ATP6V0A4: variants seen among roughly 807,000 people sequenced by gnomAD.
ATP6V0A4 encodes the protein ATPase H+ transporting V0 subunit a4, also known as V-type proton ATPase 116 kDa subunit a 4.
ATP6V0A4 carries 86 observed loss-of-function variants against 107.3 expected under a neutral mutation model. That is an observed-to-expected ratio of 0.80 (90% confidence interval 0.67 to 0.96). ATP6V0A4 has a LOEUF of 0.96. Among genes scored for constraint, ATP6V0A4 ranks in the 40% least tolerant of loss-of-function variants. The probability of loss-of-function intolerance (pLI) is 0.00; values close to 1 mark genes in which losing one functional copy is unlikely to be tolerated. For missense variants in ATP6V0A4, 908 were observed against 1,045.6 expected (o/e 0.87, Z 1.81); for synonymous variants, 353 against 381.4 (o/e 0.93, Z 0.87).
Position 138,723,619 on chromosome 7 carries a change from A to C in ATP6V0A4, c.2011-1594T>G, listed in dbSNP as rs1007240221. ...CGGTTCACTGCAACCTCTGTCCCCC[A>C]GTTCAAGAGATTCTCCAGCCTCAGC... On this transcript the variant is annotated intron_variant, in intron 18 of 21. Transcript: ENST00000310018. 2.1e-5 allele frequency among the ~76,000 whole-genome samples: 3 copies of C among 141,560 alleles called. No homozygotes were observed. In the Admixed American group the frequency reaches 2.2e-4, roughly 10 times the overall value. The allele number at this position is 141,560 out of a possible 152,430, so 92.9% of individuals were successfully genotyped here.
At chr7:138,718,412 G>A (rs557079640) in intron 19 of ATP6V0A4, among the ~76,000 whole-genome samples, 1 of 121,954 alleles carries the variant, frequency 8.2e-6, no homozygotes, top group African/African-American at 3.2e-5. Context: ...AGGAAGGAAG[G>A]GGGGGCGTGC....
chr7:138,727,173 G>A (rs1426863877), intron 18 of ATP6V0A4, among the ~76,000 whole-genome samples: 1 of 151,820 alleles, frequency 6.6e-6, no homozygotes, highest in Non-Finnish European at 1.5e-5. Context: ...CTGTTACTTG[G>A]GAGGCTGAGG....
At chr7:138,792,783 TTTG>T (rs1808485151) in intron 1 of ATP6V0A4, among the ~76,000 whole-genome samples, 3 of 40,652 alleles carry the variant, frequency 7.4e-5, no homozygotes, top group African/African-American at 9.0e-5. Flanking sequence ...TTTTTGTTGT[TTTG>T]TTTTTTTTTT....
intron 19 of ATP6V0A4, among the ~76,000 whole-genome samples, chr7:138,718,469 G>C (rs1419873107): frequency 1.2e-5 from 1 of 80,658 alleles, no homozygotes; most frequent in Non-Finnish European, 2.4e-5. Context: ...GAATGGGGGG[G>C]ATGGCGGGGA....
chr7:138,727,160 T>C (rs1164456286), intron 18 of ATP6V0A4, among the ~76,000 whole-genome samples: 1 of 147,628 alleles, frequency 6.8e-6, no homozygotes, highest in African/African-American at 2.5e-5. Context: ...CAGGGGGGCA[T>C]GCCTGTTACT....
chr7:138,775,537 C>T (rs1253543969), intron 2 of ATP6V0A4, among the ~76,000 whole-genome samples: 7 of 151,812 alleles, frequency 4.6e-5, no homozygotes, highest in East Asian at 3.9e-4. Context: ...AGTGTGGTGG[C>T]GCAAACACAG....
At chr7:138,709,520 G>T in intron 21 of ATP6V0A4, 104 bp downstream of exon 21, 1 of 1,103,106 alleles carries the variant, frequency 9.1e-7, no homozygotes, top group Non-Finnish European at 1.4e-6. Context: ...TATGTAAGCT[G>T]CTAAAGTCAC....
At chr7:138,726,783 C>T (rs1404327152) in intron 18 of ATP6V0A4, among the ~76,000 whole-genome samples, 3 of 152,108 alleles carry the variant, frequency 2.0e-5, no homozygotes, top group Non-Finnish European at 4.4e-5. Flanking sequence ...GCCTCCACGC[C>T]GTCTTCAGGA....
At chr7:138,794,341 G>A (rs1808555562) in intron 1 of ATP6V0A4, among the ~76,000 whole-genome samples, 1 of 152,122 alleles carries the variant, frequency 6.6e-6, no homozygotes, top group South Asian at 2.1e-4. Context: ...TCTTTTCCCC[G>A]AGATGGACAG....
intron 11 of ATP6V0A4, among the ~76,000 whole-genome samples, chr7:138,752,381 T>TA (rs1175560461): frequency 2.1e-4 from 31 of 149,890 alleles, no homozygotes; most frequent in Non-Finnish European, 1.9e-4. Context: ...TTTTTTTTTT[T>TA]AAAAAAACCT....
At chr7:138,733,321 G>C (rs1805126625) in intron 16 of ATP6V0A4, among the ~76,000 whole-genome samples, 1 of 146,316 alleles carries the variant, frequency 6.8e-6, no homozygotes, top group Non-Finnish European at 1.5e-5. Context: ...AAAAGAGTCA[G>C]AGAGAACCAC....
intron 18 of ATP6V0A4, among the ~76,000 whole-genome samples, chr7:138,727,716 A>T (rs1804789627): frequency 6.6e-6 from 1 of 152,210 alleles, no homozygotes; most frequent in Non-Finnish European, 1.5e-5. Flanking sequence ...TAAAACATAC[A>T]CGGTCTCAGC....
At chr7:138,716,083 A>G in intron 19 of ATP6V0A4, 1 of 311,612 alleles carries the variant, frequency 3.2e-6, no homozygotes, top group Non-Finnish European at 4.7e-6. Context: ...GTTCCCCAGC[A>G]ATAGCTGAAA....
chr7:138,726,723 C>T (rs1020316799), intron 18 of ATP6V0A4, among the ~76,000 whole-genome samples: 23 of 152,214 alleles, frequency 1.5e-4, no homozygotes, highest in East Asian at 5.8e-4. Flanking sequence ...CCTAAGCAGC[C>T]GCCTGAGGAA....
intron 19 of ATP6V0A4, among the ~76,000 whole-genome samples, chr7:138,718,584 C>CAGGGGGA (rs1562980961): frequency 3.4e-5 from 2 of 59,380 alleles, no homozygotes; most frequent in Admixed American, 2.0e-4. Flanking sequence ...AGGCATGGGG[C>CAGGGGGA]GGAATGGGGA....
At chr7:138,795,046 C>T (rs887881682) in intron 1 of ATP6V0A4, among the ~76,000 whole-genome samples, 3 of 151,994 alleles carry the variant, frequency 2.0e-5, no homozygotes, top group African/African-American at 7.3e-5. Context: ...TACAGGCATG[C>T]ACCACCACGC....
At chr7:138,792,967 A>T (rs1808495306) in intron 1 of ATP6V0A4, among the ~76,000 whole-genome samples, 1 of 152,122 alleles carries the variant, frequency 6.6e-6, no homozygotes, top group African/African-American at 2.4e-5. Context: ...GCAATATCAG[A>T]CAAAGTAAAG....
rs1176566807 is a variant in ATP6V0A4 at position 138,777,633 on chromosome 7, TAC to T, written c.-17-6371_-17-6370del. ...TCCGTCTCAAAAAAAAAAAAAAAAA[TAC>T]ACACACACACACACACACACACACA... On this transcript the variant is annotated intron_variant, in intron 2 of 21. Coordinates refer to ENST00000310018, the MANE Select transcript of ATP6V0A4 (RefSeq NM_020632.3). 3.6e-3 allele frequency among the ~76,000 whole-genome samples: 385 copies of T among 106,128 alleles called. 5 individuals are homozygous for T. The East Asian group carries it at 0.042, about 12-fold the overall frequency. The allele number at this position is 106,128 out of a possible 152,430, so 69.6% of individuals were successfully genotyped here.
intron 21 of ATP6V0A4, among the ~76,000 whole-genome samples, chr7:138,707,082 G>A (rs1803411811): frequency 9.1e-6 from 1 of 109,342 alleles, no homozygotes; most frequent in African/African-American, 3.7e-5. Context: ...GTGTGTGTGT[G>A]TGTGTGTGTG....
Sources: allele counts gnomAD v4.1 joint callset (sites outside exome capture counted in the v4.1 genomes callset), GRCh38; gene constraint gnomAD v4.1.1; transcripts MANE v1.5; gene names NCBI Gene and HGNC (gene_info 2026-07-23, HGNC 2026-07-21).